Variants in NDUFA12 observed in about 807,000 individuals in gnomAD.
NDUFA12 encodes the protein NADH dehydrogenase [ubiquinone] 1 alpha subcomplex subunit 12.
Under a neutral mutation model 20.3 loss-of-function variants are expected in NDUFA12, and 17 were observed. The observed-to-expected ratio is 0.84, with a 90% CI of 0.57 to 1.26. NDUFA12 has a LOEUF of 1.26. Ranked by LOEUF, NDUFA12 falls within the 50% of genes most tolerant of loss-of-function variation. The probability of loss-of-function intolerance (pLI) is 0.00; values close to 1 mark genes in which losing one functional copy is unlikely to be tolerated. For missense variants in NDUFA12, 191 were observed against 183.7 expected (o/e 1.04, Z -0.23); for synonymous variants, 72 against 63.6 (o/e 1.13, Z -0.63).
chr12:94,998,099 C>T (rs1455620718), intron 2 of NDUFA12, among the ~76,000 whole-genome samples: 5 of 137,274 alleles, frequency 3.6e-5, no homozygotes, highest in Non-Finnish European at 8.1e-5. Flanking sequence ...ATTAGCTAAC[C>T]AAATCCAACA....
At chr12:94,998,407 C>T (rs1874908795) in intron 2 of NDUFA12, among the ~76,000 whole-genome samples, 1 of 152,166 alleles carries the variant, frequency 6.6e-6, no homozygotes, top group African/African-American at 2.4e-5. Context: ...AGCATTCTCC[C>T]TGAGAACTGG....
chr12:94,987,298 G>A (rs934534679), intron 3 of NDUFA12, among the ~76,000 whole-genome samples: 6 of 152,128 alleles, frequency 3.9e-5, no homozygotes, highest in Admixed American at 3.9e-4. Flanking sequence ...AAGCGTCAAG[G>A]TCATGAAAAT....
At chr12:94,993,652 A>AAAAAAAAAAAAAAAC (rs1874721229) in intron 3 of NDUFA12, among the ~76,000 whole-genome samples, 1 of 139,542 alleles carries the variant, frequency 7.2e-6, no homozygotes, top group Non-Finnish European at 1.6e-5. Context: ...AAAAAAAAAA[A>AAAAAAAAAAAAAAAC]AGCCAGGCAC....
chr12:95,000,365 G>C (rs763984692), intron 2 of NDUFA12, among the ~76,000 whole-genome samples: 9 of 151,918 alleles, frequency 5.9e-5, no homozygotes, highest in Non-Finnish European at 1.3e-4. Flanking sequence ...AACACTGCTC[G>C]GGTGACAGAT....
rs779235801 is a variant in NDUFA12, at chr12:94,996,358, C to CACACACACACAT, written c.170-2102_170-2101insATGTGTGTGTGT. ...ACACACACACACACACACACACACA[C>CACACACACACAT]GAGATGGGGGTCTCTATGTTGCCCA... On this transcript the variant is annotated intron_variant, in intron 2 of 3. Transcript: ENST00000327772. 7.1e-3 allele frequency among the ~76,000 whole-genome samples: 1,000 copies of CACACACACACAT among 141,224 alleles called. 6 individuals are homozygous for CACACACACACAT. Among genetic ancestry groups the CACACACACACAT allele is most frequent in the Non-Finnish European group, 0.012 (778 of 65,250 alleles). 92.6% of individuals were successfully genotyped at this position (141,224 alleles called of 152,430 possible). A position where few individuals can be genotyped will look rare whatever the true frequency, so the allele number is the denominator to read the frequency against.
chr12:94,973,446 C>G (rs1873956279), intron 3 of NDUFA12, among the ~76,000 whole-genome samples: 1 of 152,182 alleles, frequency 6.6e-6, no homozygotes, highest in Admixed American at 6.5e-5. Flanking sequence ...ACTAACCACT[C>G]AGAGGAGGGA....
rs1000589685 is a variant in NDUFA12, at chr12:94,997,005, C to G, written c.170-2748G>C. On this transcript the variant is annotated intron_variant, in intron 2 of 3. Transcript: ENST00000327772. ...TAAAACAATAGTTTTTAGACAATCT[C>G]TTAAAATCTATTCTAGGTCTAAAAT... is the stretch of plus-strand genomic sequence containing the variant. The G allele has an allele frequency of 8.0e-5, 29 of 362,848 alleles. No homozygotes were observed. The Admixed American group carries it at 1.1e-3, about 14-fold the overall frequency. The allele number at this position is 362,848 out of a possible 1,614,324, so 22.5% of individuals were successfully genotyped here.
At chr12:94,978,761 T>C (rs887879809) in intron 3 of NDUFA12, among the ~76,000 whole-genome samples, 1 of 152,232 alleles carries the variant, frequency 6.6e-6, no homozygotes, top group Admixed American at 6.5e-5. Flanking sequence ...ATCCTATTTA[T>C]AAATTGAACC....
At chr12:94,975,034 C>CA in intron 3 of NDUFA12, among the ~76,000 whole-genome samples, 1 of 152,266 alleles carries the variant, frequency 6.6e-6, no homozygotes, top group East Asian at 1.9e-4. Context: ...GTTTGTAACA[C>CA]AAAGGACAAA....
chr12:95,003,671 C>A lies in NDUFA12; in HGVS notation c.10G>T (p.Val4Leu), dbSNP rs1393938292. 1.9e-6 allele frequency: 3 copies of A among 1,614,214 alleles called. No individual in the cohort carries two copies. In the East Asian group the frequency reaches 6.7e-5, roughly 36 times the overall value. Residue 4 changes from valine to leucine, a missense_variant, in exon 1 of 4, where the codon GTG becomes TTG. Coordinates refer to ENST00000327772, the MANE Select transcript of NDUFA12 (RefSeq NM_018838.5). The stretch of plus-strand genomic sequence containing the variant: ...TGCAGCCCGCGTTTCAGGACCTGCA[C>A]TAACTCCATCTTGCCTCGCTGGCCC... MEL[V>L]QVLKRGLQQI...
intron 3 of NDUFA12, among the ~76,000 whole-genome samples, chr12:94,972,019 C>T (rs940967521): frequency 1.3e-5 from 2 of 152,038 alleles, no homozygotes; most frequent in African/African-American, 4.8e-5. Flanking sequence ...AACTCCTGGG[C>T]TCATGTGATA....
chr12:94,996,262 CAAA>C (rs1874827309), intron 2 of NDUFA12, among the ~76,000 whole-genome samples: 1 of 150,912 alleles, frequency 6.6e-6, no homozygotes, highest in Non-Finnish European at 1.5e-5. Context: ...GAAAGAGTTG[CAAA>C]ATTATAAGGG....
chr12:94,973,065 C>G (rs933221893), intron 3 of NDUFA12, among the ~76,000 whole-genome samples: 15 of 151,896 alleles, frequency 9.9e-5, no homozygotes, highest in Admixed American at 9.2e-4. Flanking sequence ...GAGAAAAGGA[C>G]AAGAGGAGGA....
At chr12:94,979,885 T>C (rs1874182627) in intron 3 of NDUFA12, among the ~76,000 whole-genome samples, 1 of 151,846 alleles carries the variant, frequency 6.6e-6, no homozygotes, top group Non-Finnish European at 1.5e-5. Context: ...TGACAGTGCA[T>C]GTCTACTAGG....
chr12:94,991,520 G>A (rs1373741731), intron 3 of NDUFA12, among the ~76,000 whole-genome samples: 2 of 151,758 alleles, frequency 1.3e-5, no homozygotes, highest in Admixed American at 6.6e-5. Context: ...TCGGGGCCAG[G>A]AGTTCAAGAC....
At chr12:94,998,336 T>TA (rs1410279303) in intron 2 of NDUFA12, among the ~76,000 whole-genome samples, 2 of 151,604 alleles carry the variant, frequency 1.3e-5, no homozygotes, top group Admixed American at 6.6e-5. Flanking sequence ...TACCTCAAAG[T>TA]AAAAAAAGCC....
intron 3 of NDUFA12, among the ~76,000 whole-genome samples, chr12:94,986,058 C>A (rs1398953981): frequency 1.3e-5 from 2 of 150,960 alleles, no homozygotes; most frequent in Non-Finnish European, 2.9e-5. Flanking sequence ...GCATCCCAGT[C>A]TGGGCGACAA....
intron 2 of NDUFA12, among the ~76,000 whole-genome samples, chr12:94,995,276 T>C (rs1330921605): frequency 6.6e-6 from 1 of 152,254 alleles, no homozygotes; most frequent in Non-Finnish European, 1.5e-5. Flanking sequence ...CAACATTTAC[T>C]GCTTCATTTA....
intron 3 of NDUFA12, among the ~76,000 whole-genome samples, chr12:94,986,110 TAAA>T (rs35833668): frequency 0.081 from 12,152 of 150,478 alleles, 560 homozygotes; most frequent in East Asian, 0.16. Flanking sequence ...AATAAATAAA[TAAA>T]TAAGCTAGTC....
Sources: allele counts gnomAD v4.1 joint callset (sites outside exome capture counted in the v4.1 genomes callset), GRCh38; gene constraint gnomAD v4.1.1; transcripts MANE v1.5; gene names NCBI Gene and HGNC (gene_info 2026-07-23, HGNC 2026-07-21).